The following OPN5 variants were observed in gnomAD, a reference collection of about 807,000 sequenced individuals.
OPN5 encodes opsin 5.
A neutral mutation model predicts 41.7 loss-of-function variants in OPN5; 18 were observed. The observed-to-expected ratio is 0.43, with a 90% CI of 0.30 to 0.64. The LOEUF (loss-of-function observed/expected upper bound fraction) is 0.64, where lower values mean the gene tolerates loss of function less well. Ranked by LOEUF, OPN5 falls within the 30% of genes least tolerant of loss-of-function variation. The pLI is 0.13. For missense variants in OPN5, 318 were observed against 434.5 expected, an observed-to-expected ratio of 0.73 and a Z score of 2.38; for synonymous variants, 178 against 164.3, an observed-to-expected ratio of 1.08 and a Z score of -0.64.
intron 4 of OPN5, among the ~76,000 whole-genome samples, chr6:47,803,414 G>A (rs1454810170): frequency 6.6e-6 from 1 of 152,148 alleles, no homozygotes; most frequent in Non-Finnish European, 1.5e-5. Context: ...ATCCAAGCTA[G>A]AAAAACAAAA....
chr6:47,804,308 T>G (rs1413574463), intron 4 of OPN5, among the ~76,000 whole-genome samples: 1 of 152,010 alleles, frequency 6.6e-6, no homozygotes, highest in African/African-American at 2.4e-5. Flanking sequence ...AAAAGTGAAG[T>G]AATTAAAAAA....
chr6:47,788,495 G>C (rs1332319411), intron 2 of OPN5, among the ~76,000 whole-genome samples: 1 of 152,154 alleles, frequency 6.6e-6, no homozygotes, highest in African/African-American at 2.4e-5. Context: ...CTCTGCTTAC[G>C]TCTTCAGAGT....
chr6:47,791,843 C>A, exon 3 of OPN5: 1 of 1,614,042 alleles, frequency 6.2e-7, no homozygotes, highest in Non-Finnish European at 8.5e-7. Flanking sequence ...CTTTTGTCAC[C>A]GCTGGGTGTT....
chr6:47,807,113 C>T (rs572046628), intron 4 of OPN5, among the ~76,000 whole-genome samples: 27 of 152,262 alleles, frequency 1.8e-4, no homozygotes, highest in Non-Finnish European at 3.1e-4. Flanking sequence ...ACCAAGATTG[C>T]GCCACTGCAT....
chr6:47,817,277 T>C (rs1031443012), intron 6 of OPN5, among the ~76,000 whole-genome samples: 2 of 148,408 alleles, frequency 1.3e-5, no homozygotes, highest in South Asian at 4.1e-4. Context: ...GAGAGTTTGC[T>C]GAGTTGGGAG....
In OPN5 at chr6:47,819,379, A is replaced by AATATATAT. The variant is rs544310153; in HGVS notation, c.1057-4590_1057-4583dup. The stretch of plus-strand genomic sequence containing the variant: ...AAAAATATATTACCGTATAAGTAGA[A>AATATATAT]ATATATATATATATATATATAAAAC... On this transcript the variant is annotated intron_variant, in intron 6 of 6. Transcript: ENST00000371211. Among the ~76,000 whole-genome samples the AATATATAT allele has an allele frequency of 2.1e-3, 201 of 97,418 alleles. 4 individuals are homozygous for AATATATAT. The highest frequency in any genetic ancestry group is 5.6e-3 in the African/African-American group (161 of 28,564). The allele number at this position is 97,418 out of a possible 152,430, so 63.9% of individuals were successfully genotyped here. A position where few individuals can be genotyped will look rare whatever the true frequency, so the allele number is the denominator to read the frequency against.
At chr6:47,783,455 A>G (rs1268194678) in intron 1 of OPN5, among the ~76,000 whole-genome samples, 3 of 151,718 alleles carry the variant, frequency 2.0e-5, no homozygotes, top group South Asian at 4.2e-4. Context: ...ATTTCATTTA[A>G]CCTCCTGAAA....
Position 47,795,602 on chromosome 6 carries a change from A to C in OPN5, c.756+39A>C, listed in dbSNP as rs187914484. ...TATTTTACACATGTGTTTTCTGACT[A>C]CTTACAACTTCATAGGGTACAAAGG... On this transcript the variant is annotated intron_variant, in intron 4 of 6. Transcript: ENST00000371211. The C allele has an allele frequency of 7.9e-6, 11 of 1,388,116 alleles. No individual in the cohort carries two copies. In the African/African-American group the frequency reaches 1.6e-4, roughly 20 times the overall value. The allele number at this position is 1,388,116 out of a possible 1,614,324, so 86.0% of individuals were successfully genotyped here. A position where few individuals can be genotyped will look rare whatever the true frequency, so the allele number is the denominator to read the frequency against.
rs563150192 is a variant in OPN5 at position 47,809,795 on chromosome 6, T to G, written c.998+1400T>G. Among the ~76,000 whole-genome samples the G allele has an allele frequency of 1.6e-4, 25 of 152,376 alleles. No homozygotes were observed. In the South Asian group the frequency reaches 3.1e-3, roughly 19 times the overall value. ...GCATCTCTTTCTGAAGTAATAACAC[T>G]ATGTCCTCACTGGCTATTGATATTT... On this transcript the variant is annotated intron_variant, in intron 5 of 6. Coordinates refer to ENST00000371211, the Ensembl canonical transcript of OPN5.
chr6:47,795,302 C>G, exon 4 of OPN5: 1 of 1,614,058 alleles, frequency 6.2e-7, no homozygotes, highest in Non-Finnish European at 8.5e-7. Flanking sequence ...TCTGGACCAC[C>G]ATGCCCTTGG....
At chr6:47,792,513 G>T (rs954447875) in intron 3 of OPN5, among the ~76,000 whole-genome samples, 1 of 152,148 alleles carries the variant, frequency 6.6e-6, no homozygotes, top group Non-Finnish European at 1.5e-5. Context: ...GTGTTGGTTG[G>T]TAGAAAGATG....
rs202071809 is a variant in OPN5 at position 47,786,471 on chromosome 6, G to A, written c.131-44G>A. 4.6e-5 allele frequency: 72 copies of A among 1,572,768 alleles called. No homozygotes were observed. In the African/African-American group the frequency reaches 6.6e-4, roughly 15 times the overall value. The stretch of plus-strand genomic sequence containing the variant: ...AAGTGTTTCATATCTGAGTGAACTC[G>A]AAATCTTAGTTTTAACGATTGGAAT... On this transcript the variant is annotated intron_variant, in intron 1 of 6. Transcript: ENST00000371211.
intron 6 of OPN5, among the ~76,000 whole-genome samples, chr6:47,812,841 G>A (rs1561903499): frequency 6.6e-6 from 1 of 152,088 alleles, no homozygotes; most frequent in Non-Finnish European, 1.5e-5. Context: ...GCGAATAGGG[G>A]AAGAGGGTGG....
chr6:47,814,419 G>T lies in OPN5; in HGVS notation c.1056+2688G>T, dbSNP rs534942459. On this transcript the variant is annotated intron_variant, in intron 6 of 6. Transcript: ENST00000371211. Reference sequence around the variant, plus strand: ...ATAAATGCATGTATAAGAAAAATTAGCATAGTGAAAAGGAAAAAAAGAGTT... The same window carrying T: ...ATAAATGCATGTATAAGAAAAATTATCATAGTGAAAAGGAAAAAAAGAGTT... Among the ~76,000 whole-genome samples the T allele has an allele frequency of 2.0e-4, 31 of 152,200 alleles. No homozygotes were observed. In the South Asian group the frequency reaches 6.0e-3, roughly 30 times the overall value.
chr6:47,811,687 A>G (rs756067884), exon 6 of OPN5: 1 of 1,612,396 alleles, frequency 6.2e-7, no homozygotes, highest in South Asian at 1.1e-5. Context: ...GCACACCGTA[A>G]CCACAGTCAG....
At chr6:47,792,393 T>G (rs1773402157) in intron 3 of OPN5, among the ~76,000 whole-genome samples, 1 of 152,174 alleles carries the variant, frequency 6.6e-6, no homozygotes, top group African/African-American at 2.4e-5. Flanking sequence ...TCCCTGTGAT[T>G]TCAGAGATAA....
intron 4 of OPN5, among the ~76,000 whole-genome samples, chr6:47,804,489 T>C (rs758688763): frequency 1.3e-5 from 2 of 152,072 alleles, no homozygotes; most frequent in Non-Finnish European, 2.9e-5. Context: ...GAGTAGAAAA[T>C]GCTGACAAAA....
intron 4 of OPN5, among the ~76,000 whole-genome samples, chr6:47,799,569 C>T (rs983711224): frequency 6.6e-6 from 1 of 152,154 alleles, no homozygotes; most frequent in Non-Finnish European, 1.5e-5. Context: ...AACTATAAGT[C>T]ATCTTTAGGC....
intron 4 of OPN5, among the ~76,000 whole-genome samples, chr6:47,806,611 G>A (rs1773976633): frequency 6.6e-6 from 1 of 152,094 alleles, no homozygotes; most frequent in South Asian, 2.1e-4. Context: ...CTCCTAAGCA[G>A]CGCTCTCATC....
Sources: allele counts gnomAD v4.1 joint callset (sites outside exome capture counted in the v4.1 genomes callset), GRCh38; gene constraint gnomAD v4.1.1; transcripts MANE v1.5; gene names NCBI Gene and HGNC (gene_info 2026-07-23, HGNC 2026-07-21).